Variants in NPAS3 observed in about 807,000 individuals in gnomAD.
NPAS3 encodes the protein neuronal PAS domain-containing protein 3.
A neutral mutation model predicts 73.1 loss-of-function variants in NPAS3; 14 were observed. The ratio of observed to expected loss-of-function variants is 0.19; its 90% CI spans 0.13 to 0.30. The LOEUF (loss-of-function observed/expected upper bound fraction) is 0.30. NPAS3 is among the 10% of genes least tolerant of loss of function. The pLI is 1.00. For missense variants in NPAS3, 1,096 were observed against 1,250.0 expected (o/e 0.88, Z 1.86); for synonymous variants, 620 against 541.5 (o/e 1.14, Z -2.01).
chr14:33,513,537 C>A (rs183866604), intron 4 of NPAS3, among the ~76,000 whole-genome samples: 2 of 151,970 alleles, frequency 1.3e-5, no homozygotes, highest in Admixed American at 1.3e-4. Context: ...TTATTTCCAT[C>A]CTGTAAAAAT....
intron 2 of NPAS3, among the ~76,000 whole-genome samples, chr14:33,098,716 C>G (rs900874870): frequency 6.6e-6 from 1 of 152,182 alleles, no homozygotes; most frequent in Non-Finnish European, 1.5e-5. Context: ...GTGTATCAAA[C>G]TAGACTTTTC....
intron 2 of NPAS3, among the ~76,000 whole-genome samples, chr14:33,067,401 C>G (rs2041317765): frequency 6.6e-6 from 1 of 152,198 alleles, no homozygotes; most frequent in South Asian, 2.1e-4. Context: ...AGGTCTCCCC[C>G]TTGGGGATTT....
intron 9 of NPAS3, among the ~76,000 whole-genome samples, chr14:33,783,170 G>A (rs530954733): frequency 6.6e-6 from 1 of 152,196 alleles, no homozygotes; most frequent in Admixed American, 6.5e-5. Context: ...AACAAAGGGG[G>A]AATTTAATTG....
At chr14:33,677,994 T>TTCCTCATGACTCAAAC (rs2059817396) in intron 6 of NPAS3, among the ~76,000 whole-genome samples, 1 of 152,224 alleles carries the variant, frequency 6.6e-6, no homozygotes, top group Non-Finnish European at 1.5e-5. Context: ...GGAGAACCTC[T>TTCCTCATGACTCAAAC]TCCTCATGAC....
chr14:33,521,209 G>C (rs2053540286), intron 4 of NPAS3, among the ~76,000 whole-genome samples: 1 of 152,112 alleles, frequency 6.6e-6, no homozygotes, highest in African/African-American at 2.4e-5. Context: ...TTAGACCTAA[G>C]AGGTCTGAGG....
chr14:33,376,460 C>T (rs918060022), intron 4 of NPAS3, among the ~76,000 whole-genome samples: 1 of 152,012 alleles, frequency 6.6e-6, no homozygotes, highest in African/African-American at 2.4e-5. Flanking sequence ...AGAGGTGAGC[C>T]AGAACAAGTA....
chr14:33,796,576 G>A (rs2063518860), intron 10 of NPAS3, among the ~76,000 whole-genome samples: 1 of 152,092 alleles, frequency 6.6e-6, no homozygotes, highest in Non-Finnish European at 1.5e-5. Context: ...TAGCCATCAT[G>A]GAAAAATCGA....
chr14:33,310,790 T>TCAC (rs1166680348), intron 3 of NPAS3, among the ~76,000 whole-genome samples: 1 of 142,144 alleles, frequency 7.0e-6, no homozygotes, highest in Non-Finnish European at 1.5e-5. Context: ...AAATGTATGG[T>TCAC]ACACACACAC....
chr14:33,294,064 CA>C (rs2042200433), intron 3 of NPAS3, among the ~76,000 whole-genome samples: 1 of 152,114 alleles, frequency 6.6e-6, no homozygotes, highest in East Asian at 1.9e-4. Flanking sequence ...ATGAGAAAAA[CA>C]CAAATTTTGT....
chr14:33,308,045 C>T (rs1223002836), intron 3 of NPAS3, among the ~76,000 whole-genome samples: 1 of 152,130 alleles, frequency 6.6e-6, no homozygotes, highest in East Asian at 1.9e-4. Context: ...CCTGCCTTCT[C>T]CCTGACTGAT....
At chr14:33,474,166 A>T (rs1356995831) in intron 4 of NPAS3, among the ~76,000 whole-genome samples, 2 of 152,098 alleles carry the variant, frequency 1.3e-5, no homozygotes, top group Non-Finnish European at 2.9e-5. Flanking sequence ...TGAACTTTGG[A>T]TCGATTAGTC....
intron 2 of NPAS3, among the ~76,000 whole-genome samples, chr14:33,186,947 A>G (rs2045998693): frequency 6.6e-6 from 1 of 152,132 alleles, no homozygotes; most frequent in Admixed American, 6.5e-5. Context: ...ATCCTCCAAT[A>G]CACAGAAATG....
chr14:33,560,375 G>T, intron 5 of NPAS3, 165 bp downstream of exon 5: 1 of 479,030 alleles, frequency 2.1e-6, no homozygotes, highest in African/African-American at 2.0e-5. Flanking sequence ...CTGTGTGTCA[G>T]TGTTGAACAT....
At chr14:33,161,216 T>C (rs919183139) in intron 2 of NPAS3, among the ~76,000 whole-genome samples, 3 of 152,226 alleles carry the variant, frequency 2.0e-5, no homozygotes, top group Non-Finnish European at 2.9e-5. Context: ...AGTTTCCTGA[T>C]GGTATTAGAA....
intron 4 of NPAS3, among the ~76,000 whole-genome samples, chr14:33,552,512 C>T (rs771618571): frequency 4.6e-5 from 7 of 151,878 alleles, no homozygotes; most frequent in African/African-American, 9.7e-5. Context: ...TTATGATGTC[C>T]GATAACAATA....
chr14:33,758,424 G>T (rs965487341), intron 7 of NPAS3, among the ~76,000 whole-genome samples: 2 of 152,162 alleles, frequency 1.3e-5, no homozygotes, highest in Non-Finnish European at 2.9e-5. Context: ...CCCTCTGCAG[G>T]TCTCATTCAG....
chr14:33,124,027 AT>A (rs1294173111), intron 2 of NPAS3, among the ~76,000 whole-genome samples: 1 of 151,450 alleles, frequency 6.6e-6, no homozygotes, highest in Non-Finnish European at 1.5e-5. Context: ...TGCCTGGCTT[AT>A]TTTTTTGTAG....
intron 1 of NPAS3, among the ~76,000 whole-genome samples, chr14:33,052,377 G>T (rs933942274): frequency 3.3e-5 from 5 of 152,080 alleles, no homozygotes; most frequent in African/African-American, 1.2e-4. Flanking sequence ...GACCAATCAG[G>T]AACAGAGCTA....
chr14:33,689,285 C>T (rs2060170585), intron 6 of NPAS3, among the ~76,000 whole-genome samples: 1 of 152,150 alleles, frequency 6.6e-6, no homozygotes, highest in Non-Finnish European at 1.5e-5. Context: ...GTTTTATCTT[C>T]AAATGAATTA....
Sources: gnomAD v4.1 joint callset for allele counts (sites outside exome capture counted in the v4.1 genomes callset) on GRCh38, gnomAD v4.1.1 for gene constraint, MANE v1.5 for transcripts, NCBI Gene and HGNC (gene_info 2026-07-23, HGNC 2026-07-21) for gene names.